CRADD: variants seen among roughly 807,000 people sequenced by gnomAD.
CRADD encodes death domain-containing protein CRADD.
Under a neutral mutation model 15.5 loss-of-function variants are expected in CRADD, and 9 were observed. That is an observed-to-expected ratio of 0.58 (90% CI 0.35 to 1.01). The LOEUF is 1.01. CRADD is among the 50% of genes least tolerant of loss of function. The pLI is 0.02. For missense variants in CRADD, 227 were observed against 250.3 expected (o/e 0.91, Z 0.63); for synonymous variants, 118 against 107.6 (o/e 1.10, Z -0.60).
chr12:93,803,984 A>G (rs1211584493), intron 2 of CRADD, among the ~76,000 whole-genome samples: 3 of 152,186 alleles, frequency 2.0e-5, no homozygotes, highest in East Asian at 3.9e-4. Context: ...TACAGTCTCT[A>G]GAAGCTGGAA....
At chr12:93,749,478 C>CT (rs1956806533) in intron 2 of CRADD, among the ~76,000 whole-genome samples, 1 of 152,190 alleles carries the variant, frequency 6.6e-6, no homozygotes, top group South Asian at 2.1e-4. Flanking sequence ...CTTTGCCTCT[C>CT]TAGTGGATGT....
chr12:93,718,035 T>C (rs1028372397), intron 2 of CRADD, among the ~76,000 whole-genome samples: 1 of 152,218 alleles, frequency 6.6e-6, no homozygotes, highest in African/African-American at 2.4e-5. Flanking sequence ...CATTCATCTA[T>C]TTGTCTGTTC....
chr12:93,851,982 T>C (rs529523021), downstream of CRADD, among the ~76,000 whole-genome samples: 11 of 152,350 alleles, frequency 7.2e-5, no homozygotes, highest in African/African-American at 2.6e-4. Context: ...CAGTTTATTC[T>C]TCCAGTGAAT....
At chr12:93,801,911 G>C (rs1957480698) in intron 2 of CRADD, among the ~76,000 whole-genome samples, 1 of 152,104 alleles carries the variant, frequency 6.6e-6, no homozygotes, top group Non-Finnish European at 1.5e-5. Context: ...AATCCTCATA[G>C]CTTAGCTCCC....
chr12:93,820,826 C>T (rs79814376), intron 2 of CRADD, among the ~76,000 whole-genome samples: 2 of 152,208 alleles, frequency 1.3e-5, no homozygotes, highest in African/African-American at 4.8e-5. Flanking sequence ...TCCCGTTGCC[C>T]CTGAGCTCCA....
intron 2 of CRADD, among the ~76,000 whole-genome samples, chr12:93,710,465 C>A (rs952975504): frequency 6.6e-6 from 1 of 151,538 alleles, no homozygotes; most frequent in Non-Finnish European, 1.5e-5. Flanking sequence ...CCTTCCTCAG[C>A]CTCCCTAGTA....
At chr12:93,832,056 A>T (rs1212831587) in intron 2 of CRADD, among the ~76,000 whole-genome samples, 2 of 144,554 alleles carry the variant, frequency 1.4e-5, no homozygotes, top group Non-Finnish European at 3.2e-5. Context: ...TACATTTATG[A>T]TTGATTTTTT....
rs375235671 is a variant in CRADD at position 93,784,811 on chromosome 12, G to T, written c.299-65159G>T. On this transcript the variant is annotated intron_variant, in intron 2 of 2. Coordinates refer to ENST00000332896, the MANE Select transcript of CRADD (RefSeq NM_003805.5). ...TAAGAATAGATATTCATTCAAGACT[G>T]TCAGAAAGAAAGTAGGTCAGCAATG... is the stretch of plus-strand genomic sequence containing the variant. Among the ~76,000 whole-genome samples, 7 of 152,268 alleles carry T rather than the reference G, an allele frequency of 4.6e-5. No homozygotes were observed. In the East Asian group the frequency reaches 1.4e-3, roughly 29 times the overall value.
At chr12:93,832,623 A>G (rs1957921006) in intron 2 of CRADD, among the ~76,000 whole-genome samples, 1 of 152,234 alleles carries the variant, frequency 6.6e-6, no homozygotes, top group South Asian at 2.1e-4. Context: ...CTTCAGCTTT[A>G]ATATCTGTTT....
intron 2 of CRADD, among the ~76,000 whole-genome samples, chr12:93,778,758 TA>T (rs755020919): frequency 6.9e-4 from 104 of 151,030 alleles, no homozygotes; most frequent in Non-Finnish European, 1.2e-3. Flanking sequence ...TTGTTTCTCC[TA>T]AATACATTTT....
intron 2 of CRADD, chr12:93,707,990 A>C (rs913287560): frequency 6.6e-6 from 1 of 152,232 alleles, no homozygotes; most frequent in African/African-American, 2.4e-5. Context: ...CAAAATATCT[A>C]GAAAGATGTC....
At chr12:93,842,031 A>G (rs1006536795) in intron 2 of CRADD, among the ~76,000 whole-genome samples, 8 of 152,184 alleles carry the variant, frequency 5.3e-5, no homozygotes, top group African/African-American at 1.9e-4. Flanking sequence ...ATCTCCTCTC[A>G]TATCACAAAA....
In CRADD at chr12:93,850,175, G is replaced by C. The variant is rs773919348; in HGVS notation, c.504G>C (p.Arg168=). Reference sequence around the variant, plus strand: ...TGGTGGAGGCCTTCATCCGTTGGCGGCAGCGCTTCGGGAAGCAGGCCACCT... The same window carrying C: ...TGGTGGAGGCCTTCATCCGTTGGCGCCAGCGCTTCGGGAAGCAGGCCACCT... ...SQVVEAFIRW[R]QRFGKQATFQ... is the part of the protein sequence containing the mutation. The change falls in exon 3 of 3, where the codon CGG becomes CGC. Residue 168 remains arginine (R), a synonymous_variant. Transcript: ENST00000332896. This position sits in a 1 kb window ranked among gnomAD's most constrained non-coding sequence, Gnocchi z 4.0. 2 of 1,613,768 alleles carry C rather than the reference G, an allele frequency of 1.2e-6. No individual in the cohort carries two copies. Among genetic ancestry groups the C allele is most frequent in the Non-Finnish European group, 1.7e-6 (2 of 1,179,740 alleles).
intron 2 of CRADD, among the ~76,000 whole-genome samples, chr12:93,791,457 C>T (rs1363908606): frequency 2.0e-5 from 3 of 151,914 alleles, no homozygotes; most frequent in Non-Finnish European, 4.4e-5. Context: ...TTCACTTGCA[C>T]GTGGAATCTA....
intron 2 of CRADD, among the ~76,000 whole-genome samples, chr12:93,795,392 C>T (rs11107190): frequency 0.084 from 12,804 of 152,200 alleles, 572 homozygotes; most frequent in East Asian, 0.16. Context: ...TAAAGAAGTA[C>T]TGCACTTTGG....
chr12:93,887,371 G>A (rs76273482), intron 2 of CRADD, among the ~76,000 whole-genome samples: 9,989 of 152,226 alleles, frequency 0.066, 927 homozygotes, highest in African/African-American at 0.2. Context: ...TGCCAGGGCC[G>A]CTAACGAGTG....
chr12:93,782,278 T>C, intron 2 of CRADD, among the ~76,000 whole-genome samples: 1 of 134,398 alleles, frequency 7.4e-6, no homozygotes, highest in African/African-American at 2.9e-5. Flanking sequence ...CACTCATAGG[T>C]GGGAATTGAA....
At chr12:93,838,386 A>G (rs1958003588) in intron 2 of CRADD, among the ~76,000 whole-genome samples, 1 of 150,508 alleles carries the variant, frequency 6.6e-6, no homozygotes, top group Non-Finnish European at 1.5e-5. Context: ...GACCTCCTCC[A>G]CTCCACCACT....
chr12:93,786,313 G>T (rs1439432906), intron 2 of CRADD, among the ~76,000 whole-genome samples: 1 of 152,146 alleles, frequency 6.6e-6, no homozygotes, highest in Non-Finnish European at 1.5e-5. Flanking sequence ...TCTAAGGAAT[G>T]TGTAAACGTA....
Sources: allele counts gnomAD v4.1 joint callset (sites outside exome capture counted in the v4.1 genomes callset), GRCh38; gene constraint gnomAD v4.1.1; non-coding constraint Gnocchi (gnomAD v3.1); transcripts MANE v1.5; gene names NCBI Gene and HGNC (gene_info 2026-07-23, HGNC 2026-07-21).